Variants in EPHA8 observed in about 807,000 individuals in gnomAD.
EPHA8 encodes ephrin type-A receptor 8.
EPHA8 carries 58 observed loss-of-function variants against 103.6 expected under a neutral mutation model. That is an observed-to-expected ratio of 0.56 (90% CI 0.45 to 0.70). EPHA8 has a LOEUF of 0.70. Among genes scored for constraint, EPHA8 ranks in the 30% least tolerant of loss-of-function variants. The probability of loss-of-function intolerance (pLI) is 0.00; values close to 1 mark genes in which losing one functional copy is unlikely to be tolerated. For synonymous variants in EPHA8, 559 were observed against 572.5 expected (o/e 0.98, Z 0.34); for missense variants, 1,304 against 1,395.2 (o/e 0.93, Z 1.04).
intron 2 of EPHA8, among the ~76,000 whole-genome samples, chr1:22,572,301 C>T (rs545525891): frequency 6.6e-6 from 1 of 152,244 alleles, no homozygotes; most frequent in Non-Finnish European, 1.5e-5. Flanking sequence ...AGATTACTTA[C>T]TTCGCCTCCA....
rs1052676922 is a variant in EPHA8, at chr1:22,565,332, C to T, written c.94+1603C>T. On this transcript the variant is annotated intron_variant, in intron 1 of 16. Coordinates refer to ENST00000166244, the MANE Select transcript of EPHA8 (RefSeq NM_020526.5). ...GCAGGGTGGCCGAGAAGTGAGATGC[C>T]GGCAGAGCAGGGCCGGGTGGGTGTA... 1.1e-4 allele frequency among the ~76,000 whole-genome samples: 16 copies of T among 152,214 alleles called. No individual in the cohort carries two copies. In the South Asian group the frequency reaches 2.1e-3, roughly 20 times the overall value.
chr1:22,601,169 C>G, intron 15 of EPHA8, 81 bp downstream of exon 15: 1 of 1,539,976 alleles, frequency 6.5e-7, no homozygotes, highest in Non-Finnish European at 8.7e-7. Flanking sequence ...ACAGTTTGGC[C>G]CTGACACTAG....
rs369284774 is a variant in EPHA8 at position 22,597,436 on chromosome 1, C to T, written c.1890C>T (p.Ile630=). Residue 630 remains isoleucine, a synonymous_variant, in exon 10 of 17, where the codon ATC becomes ATT. Transcript: ENST00000166244. This position sits in a 1 kb window ranked among gnomAD's most constrained non-coding sequence, Gnocchi z 4.6. ...GRAGRSFTRE[I]EASRIHIEKI... The stretch of plus-strand genomic sequence containing the variant: ...CGGGCCGCAGTTTCACTCGGGAGAT[C>T]GAGGCCTCTAGGATCCACATCGAGA... 17 of 1,613,338 alleles carry T rather than the reference C, an allele frequency of 1.1e-5. No homozygotes were observed. The African/African-American group carries it at 1.2e-4, about 11-fold the overall frequency.
intron 3 of EPHA8, among the ~76,000 whole-genome samples, chr1:22,586,265 C>T (rs1375402892): frequency 1.3e-5 from 2 of 152,126 alleles, no homozygotes; most frequent in African/African-American, 2.4e-5. Flanking sequence ...CTCAGCTCTG[C>T]CCTGACTGGC....
In EPHA8 at chr1:22,576,090, A is replaced by T; in HGVS notation, c.160-127A>T. On this transcript the variant is annotated intron_variant, in intron 2 of 16. Transcript: ENST00000166244. The surrounding 1 kb of genome is among the most constrained non-coding windows in gnomAD (Gnocchi z 4.8). The stretch of plus-strand genomic sequence containing the variant: ...GTCTGCAGGGGGCCTGGCATCTAGT[A>T]GCCACCAGGAGGCCAGCTCCTTTGT... 1 of 1,079,154 alleles carries T rather than the reference A, an allele frequency of 9.3e-7. No homozygotes were observed. The highest frequency in any genetic ancestry group is 1.6e-5 in the South Asian group (1 of 61,946). The allele number at this position is 1,079,154 out of a possible 1,614,324, so 66.8% of individuals were successfully genotyped here. A position where few individuals can be genotyped will look rare whatever the true frequency, so the allele number is the denominator to read the frequency against.
Position 22,596,156 on chromosome 1 carries a change from A to G in EPHA8, c.1748A>G (p.His583Arg). 1 of 1,613,952 alleles carries G rather than the reference A, an allele frequency of 6.2e-7. No individual in the cohort carries two copies. Among genetic ancestry groups the G allele is most frequent in the Non-Finnish European group, 8.5e-7 (1 of 1,179,956 alleles). The change falls in exon 9 of 17, where the codon CAC (histidine) becomes CGC (arginine). Residue 583 changes from histidine to arginine, a missense_variant. Physicochemically the swap from His to Arg is conservative, Grantham distance 29. Coordinates refer to ENST00000166244, the MANE Select transcript of EPHA8 (RefSeq NM_020526.5). ...AFQDSDEEKM[H>R]YQNGQAPPPV... is the part of the protein sequence containing the mutation. Reference sequence around the variant, plus strand: ...CAGGACTCGGACGAGGAGAAGATGCACTATCAGAATGGACAGGGTGAGTGC... The same window carrying G: ...CAGGACTCGGACGAGGAGAAGATGCGCTATCAGAATGGACAGGGTGAGTGC...
rs1452449277 is a variant in EPHA8 at position 22,595,309 on chromosome 1, C to T, written c.1683C>T (p.Leu561=). ...GCCTGGTGGTGCTTCTGCTCCTGCT[C>T]ATCTGCAAGAAGAGGTGGGTGGTCT... ...ITGLVVLLLL[L]ICKKRHCGYS... Residue 561 remains leucine, a synonymous_variant, in exon 8 of 17, where the codon CTC becomes CTT. Coordinates refer to ENST00000166244, the MANE Select transcript of EPHA8 (RefSeq NM_020526.5). 1.2e-6 allele frequency: 2 copies of T among 1,613,486 alleles called. No individual in the cohort carries two copies. The highest frequency in any genetic ancestry group is 2.7e-5 in the African/African-American group (2 of 74,924).
chr1:22,575,994 C>G (rs1326338263), intron 2 of EPHA8, among the ~76,000 whole-genome samples: 1 of 151,938 alleles, frequency 6.6e-6, no homozygotes, highest in Admixed American at 6.6e-5. Context: ...CAGGTCAGAG[C>G]CTCTACTTCC....
At chr1:22,591,878 C>G (rs916911305) in intron 5 of EPHA8, among the ~76,000 whole-genome samples, 4 of 152,192 alleles carry the variant, frequency 2.6e-5, no homozygotes, top group African/African-American at 9.7e-5. Context: ...CCTTCCGGGC[C>G]CTGCAGTGGT....
chr1:22,601,515 A>AGG (rs113696995), intron 16 of EPHA8, 42 bp downstream of exon 16: 4 of 1,110,558 alleles, frequency 3.6e-6, no homozygotes, highest in African/African-American at 3.2e-5. Context: ...GTGTGGGGGC[A>AGG]GGGGGGGGGA....
In EPHA8 at chr1:22,593,358, C is replaced by T. The variant is rs1364164366; in HGVS notation, c.1348C>T (p.Arg450Trp). The T allele has an allele frequency of 7.0e-6, 11 of 1,582,402 alleles. No homozygotes were observed. The highest frequency in any genetic ancestry group is 2.3e-5 in the East Asian group (1 of 43,786). Residue 450 changes from arginine to tryptophan, a missense_variant, in exon 6 of 17, where the codon CGG (arginine) becomes TGG (tryptophan). Arg to Trp is a moderately radical substitution (Grantham distance 101, BLOSUM62 -3). Transcript: ENST00000166244. ...CCAGGTGGTGGTGATCCGTCAAGAG[C>T]GGGCGGGGCAGACCAGCGTCTCGCT... is the stretch of plus-strand genomic sequence containing the variant. ...PSQVVVIRQE[R>W]AGQTSVSLLW... is the part of the protein sequence containing the mutation.
At chr1:22,578,340 G>C (rs539105286) in intron 3 of EPHA8, among the ~76,000 whole-genome samples, 20 of 150,948 alleles carry the variant, frequency 1.3e-4, no homozygotes, top group Admixed American at 2.6e-4. Flanking sequence ...ATGAGTGTAT[G>C]CATGTGTGTA....
rs752110135 is a variant in EPHA8 at position 22,597,851 on chromosome 1, C to G, written c.2106C>G (p.Val702=). 6.2e-7 allele frequency: 1 copy of G among 1,608,970 alleles called. No individual in the cohort carries two copies. Among genetic ancestry groups the G allele is most frequent in the African/African-American group, 1.3e-5 (1 of 74,876 alleles). The change falls in exon 11 of 17, where the codon GTC becomes GTG. Residue 702 remains valine (V), a synonymous_variant. Transcript: ENST00000166244. The surrounding 1 kb of genome is among the most constrained non-coding windows in gnomAD (Gnocchi z 4.6). The part of the protein sequence containing the change: ...DHPNIIRLEG[V]VTRGRLAMIV... Reference sequence around the variant, plus strand: ...CCAACATCATCCGCCTCGAGGGTGTCGTCACCCGTGGTAGGTGCCGGGCAA... The same window carrying G: ...CCAACATCATCCGCCTCGAGGGTGTGGTCACCCGTGGTAGGTGCCGGGCAA...
Position 22,601,451 on chromosome 1 carries a change from A to T in EPHA8, c.2881A>T (p.Met961Leu). Residue 961 changes from methionine (M) to leucine (L), a missense_variant, in exon 16 of 17, where the codon ATG becomes TTG. Met to Leu is a conservative substitution (Grantham distance 15). Coordinates refer to ENST00000166244, the MANE Select transcript of EPHA8 (RefSeq NM_020526.5). ...TGCGGGCGGATACTCCTCTCTGGGCATGGTGCTACGCATGAACGCCCAGTG... is the reference window on the plus strand; with the variant it reads ...TGCGGGCGGATACTCCTCTCTGGGCTTGGTGCTACGCATGAACGCCCAGTG... ...FAAGGYSSLG[M>L]VLRMNAQDVR... 6.2e-7 allele frequency: 1 copy of T among 1,609,758 alleles called. No homozygotes were observed. The highest frequency in any genetic ancestry group is 1.1e-5 in the South Asian group (1 of 91,048).
intron 3 of EPHA8, among the ~76,000 whole-genome samples, chr1:22,578,521 A>T (rs558842088): frequency 1.9e-4 from 20 of 106,710 alleles, no homozygotes; most frequent in South Asian, 3.4e-4. Flanking sequence ...TGTATTATGC[A>T]TGTGTGCATA....
At chr1:22,587,104 AC>A (rs1641233986) in intron 4 of EPHA8, among the ~76,000 whole-genome samples, 1 of 152,090 alleles carries the variant, frequency 6.6e-6, no homozygotes, top group Admixed American at 6.5e-5. Flanking sequence ...ATGTGTGTGT[AC>A]CCATGGAGTT....
At chr1:22,583,438 C>T (rs968609038) in intron 3 of EPHA8, among the ~76,000 whole-genome samples, 1 of 152,216 alleles carries the variant, frequency 6.6e-6, no homozygotes, top group Admixed American at 6.5e-5. Flanking sequence ...AGCTCTGGGA[C>T]GGTGCTGGGA....
At chr1:22,588,353 T>G (rs1641275267) in intron 4 of EPHA8, among the ~76,000 whole-genome samples, 1 of 150,744 alleles carries the variant, frequency 6.6e-6, no homozygotes, top group South Asian at 2.1e-4. Context: ...GAGGCTCCCA[T>G]GCCCGGGGTT....
Position 22,589,766 on chromosome 1 carries a change from A to G in EPHA8, c.1315+560A>G. On this transcript the variant is annotated intron_variant, in intron 5 of 16. Transcript: ENST00000166244. This position sits in a 1 kb window ranked among gnomAD's most constrained non-coding sequence, Gnocchi z 4.3. ...TCACCCCCGGAACCTCTTTCTTCCC[A>G]AACTCTGGAGGACCCTGCCCGTCAA... 4.6e-6 allele frequency: 4 copies of G among 877,434 alleles called. No homozygotes were observed. The highest frequency in any genetic ancestry group is 5.5e-6 in the Non-Finnish European group (4 of 728,270). The allele number at this position is 877,434 out of a possible 1,614,324, so 54.4% of individuals were successfully genotyped here.
Sources: allele counts gnomAD v4.1 joint callset (sites outside exome capture counted in the v4.1 genomes callset), GRCh38; gene constraint gnomAD v4.1.1; non-coding constraint Gnocchi (gnomAD v3.1); transcripts MANE v1.5; gene names NCBI Gene and HGNC (gene_info 2026-07-23, HGNC 2026-07-21).